Variants in CNTNAP3B observed in about 807,000 individuals in gnomAD.
CNTNAP3B encodes contactin associated protein family member 3B.
Under a neutral mutation model 108.9 loss-of-function variants are expected in CNTNAP3B, and 25 were observed. That is an observed-to-expected ratio of 0.23 (90% CI 0.17 to 0.32). The LOEUF is 0.32. Ranked by LOEUF, CNTNAP3B falls within the 10% of genes least tolerant of loss-of-function variation. The probability of loss-of-function intolerance (pLI) is 1.00; values close to 1 mark genes in which losing one functional copy is unlikely to be tolerated. For missense variants in CNTNAP3B, 252 were observed against 1,210.4 expected, an observed-to-expected ratio of 0.21 and a Z score of 11.75; for synonymous variants, 103 against 473.4, an observed-to-expected ratio of 0.22 and a Z score of 10.16.
intron 13 of CNTNAP3B, among the ~76,000 whole-genome samples, chr9:41,944,730 T>A (rs1229026115): frequency 6.6e-6 from 1 of 152,154 alleles, no homozygotes; most frequent in African/African-American, 2.4e-5. Context: ...AATATACCAA[T>A]TAAGAAAGCA....
In CNTNAP3B at chr9:41,995,980, A is replaced by G. The variant is rs1329385381; in HGVS notation, c.1071+225T>C. Among the ~76,000 whole-genome samples the G allele has an allele frequency of 4.5e-4, 65 of 144,492 alleles. 1 individual carries two copies. Among genetic ancestry groups the G allele is most frequent in the Admixed American group, 2.2e-3 (32 of 14,638 alleles). 94.8% of individuals were successfully genotyped at this position (144,492 alleles called of 152,430 possible). The stretch of plus-strand genomic sequence containing the variant: ...GAACCTGGGAGGCGTAAGCTGCAGT[A>G]AGCTGAGATTGCGCCGCTGCACTCC... On this transcript the variant is annotated intron_variant, in intron 7 of 23. Coordinates refer to ENST00000377561, the MANE Select transcript of CNTNAP3B (RefSeq NM_001201380.3).
intron 3 of CNTNAP3B, among the ~76,000 whole-genome samples, chr9:42,065,950 C>CTT (rs374371149): frequency 8.8e-4 from 68 of 76,938 alleles, no homozygotes; most frequent in Middle Eastern, 5.3e-3. Flanking sequence ...TTTCTATTTT[C>CTT]TTTTAAGTTC....
rs1828298929 is a variant in CNTNAP3B, at chr9:42,115,650, TCCTGACTCTTAGA to T, written c.86-10924_86-10912del. Among the ~76,000 whole-genome samples the T allele has an allele frequency of 1.7e-5, 2 of 119,538 alleles. 1 individual carries two copies. The highest frequency in any genetic ancestry group is 7.1e-5 in the African/African-American group (2 of 28,256). 78.4% of individuals were successfully genotyped at this position (119,538 alleles called of 152,430 possible). ...ACTCCAACAGACCTGCAGCTGAGGGTCCTGACTCTTAGAAGGAAAACTAACAAACAGAAAGGAC... is the reference window on the plus strand; with the variant it reads ...ACTCCAACAGACCTGCAGCTGAGGGTAGGAAAACTAACAAACAGAAAGGAC... On this transcript the variant is annotated intron_variant, in intron 1 of 23. Transcript: ENST00000377561.
chr9:41,931,413 C>G (rs1230622668), intron 14 of CNTNAP3B, among the ~76,000 whole-genome samples: 1 of 152,274 alleles, frequency 6.6e-6, no homozygotes, highest in Non-Finnish European at 1.5e-5. Context: ...ACTAGAATTT[C>G]TTTTACTTAA....
intron 11 of CNTNAP3B, among the ~76,000 whole-genome samples, chr9:41,961,917 T>G (rs554012172): frequency 2.2e-4 from 33 of 152,404 alleles, no homozygotes; most frequent in South Asian, 2.1e-4. Context: ...GTGCCACTTA[T>G]GGCATATTGA....
At chr9:41,965,910 G>GC (rs1825258613) in intron 10 of CNTNAP3B, among the ~76,000 whole-genome samples, 1 of 151,980 alleles carries the variant, frequency 6.6e-6, no homozygotes, top group African/African-American at 2.4e-5. Flanking sequence ...CATGCCCCCA[G>GC]CCCCCTATCC....
At chr9:41,954,504 C>G (rs1198635060) in intron 12 of CNTNAP3B, among the ~76,000 whole-genome samples, 1 of 152,274 alleles carries the variant, frequency 6.6e-6, no homozygotes, top group Non-Finnish European at 1.5e-5. Flanking sequence ...GTGATACCCA[C>G]AAATGAGCCA....
At chr9:41,946,061 C>T (rs1193388929) in intron 13 of CNTNAP3B, among the ~76,000 whole-genome samples, 2 of 151,420 alleles carry the variant, frequency 1.3e-5, no homozygotes. Context: ...ATGTATATAC[C>T]TAGCAACAGA....
chr9:41,942,448 A>C (rs1454501247), intron 13 of CNTNAP3B, among the ~76,000 whole-genome samples: 2 of 151,926 alleles, frequency 1.3e-5, no homozygotes, highest in Admixed American at 6.6e-5. Context: ...GTATCTACTA[A>C]AAATAGAAAA....
In CNTNAP3B at chr9:41,920,202, C is replaced by G. The variant is rs2117938195; in HGVS notation, c.2863G>C (p.Glu955Gln). Reference protein sequence around the residue: ...EERATVTPGVEPGCAGHCSTY... With the variant: ...EERATVTPGVQPGCAGHCSTY... ...CTGCAGTGTCCTGCACACCCTGGCT[C>G]CACTCCTGGCGTCACTGTGGCTCTT... Residue 955 changes from glutamate to glutamine, a missense_variant, in exon 18 of 24, where the codon GAG becomes CAG. By Grantham distance (29) the Glu-to-Gln change is conservative. Transcript: ENST00000377561. 6.3e-7 allele frequency: 1 copy of G among 1,592,158 alleles called. No individual in the cohort carries two copies. The highest frequency in any genetic ancestry group is 2.3e-5 in the East Asian group (1 of 44,394).
intron 8 of CNTNAP3B, among the ~76,000 whole-genome samples, chr9:41,990,521 G>A (rs1194554714): frequency 1.6e-5 from 2 of 126,582 alleles, no homozygotes; most frequent in South Asian, 2.6e-4. Flanking sequence ...TCTTGAAATC[G>A]TGCTTTCGTA....
intron 1 of CNTNAP3B, among the ~76,000 whole-genome samples, chr9:42,110,614 G>C (rs1215507927): frequency 1.5e-5 from 2 of 137,364 alleles, no homozygotes; most frequent in Non-Finnish European, 3.1e-5. Context: ...TCCACAGCAG[G>C]CTTCTCTCTG....
At chr9:42,083,162 A>C in intron 2 of CNTNAP3B, among the ~76,000 whole-genome samples, 1 of 121,696 alleles carries the variant, frequency 8.2e-6, no homozygotes, top group East Asian at 2.5e-4. Flanking sequence ...CAAACACTTA[A>C]TAACAGAGCT....
intron 14 of CNTNAP3B, among the ~76,000 whole-genome samples, chr9:41,934,375 T>C (rs1299070137): frequency 3.3e-5 from 5 of 152,222 alleles, no homozygotes; most frequent in Non-Finnish European, 7.3e-5. Flanking sequence ...CCCACCACCA[T>C]GCCTGGCTAA....
intron 8 of CNTNAP3B, among the ~76,000 whole-genome samples, 184 bp from the exon 9 acceptor site, chr9:41,986,495 A>T (rs1825705233): frequency 1.4e-5 from 2 of 143,348 alleles, no homozygotes; most frequent in African/African-American, 2.7e-5. Flanking sequence ...TGAAAATAAC[A>T]CATGAATAAA....
rs773194734 is a variant in CNTNAP3B at position 42,088,544 on chromosome 9, T to C, written c.197-11482A>G. Among the ~76,000 whole-genome samples the C allele has an allele frequency of 1.4e-5, 2 of 139,488 alleles. 1 individual carries two copies. Among genetic ancestry groups the C allele is most frequent in the African/African-American group, 5.7e-5 (2 of 35,218 alleles). The allele number at this position is 139,488 out of a possible 152,430, so 91.5% of individuals were successfully genotyped here. A position where few individuals can be genotyped will look rare whatever the true frequency, so the allele number is the denominator to read the frequency against. On this transcript the variant is annotated intron_variant, in intron 2 of 23. Coordinates refer to ENST00000377561, the MANE Select transcript of CNTNAP3B (RefSeq NM_001201380.3). ...CGTAAGTAAGTAAGATTAATTTCTT[T>C]AAAATCTACATATTTCTTCAATCGA...
At chr9:42,076,250 A>G in intron 3 of CNTNAP3B, among the ~76,000 whole-genome samples, 1 of 65,490 alleles carries the variant, frequency 1.5e-5, no homozygotes, top group Non-Finnish European at 2.8e-5. Context: ...CCCTGTCTCT[A>G]CTAAAAATAC....
At chr9:41,918,467 C>T (rs1588038091) in intron 18 of CNTNAP3B, among the ~76,000 whole-genome samples, 1 of 145,326 alleles carries the variant, frequency 6.9e-6, no homozygotes, top group South Asian at 2.2e-4. Flanking sequence ...TACACATACA[C>T]ACACCCCCCA....
intron 13 of CNTNAP3B, among the ~76,000 whole-genome samples, chr9:41,942,800 A>G (rs1453688454): frequency 1.3e-5 from 2 of 151,942 alleles, no homozygotes; most frequent in Non-Finnish European, 2.9e-5. Context: ...GAAGAAAGAA[A>G]AATAAAATAA....
Sources: gnomAD v4.1 joint callset for allele counts (sites outside exome capture counted in the v4.1 genomes callset) on GRCh38, gnomAD v4.1.1 for gene constraint, MANE v1.5 for transcripts, NCBI Gene and HGNC (gene_info 2026-07-23, HGNC 2026-07-21) for gene names.